GNPAT: variants seen among roughly 807,000 people sequenced by gnomAD.
The protein encoded by GNPAT is glyceronephosphate O-acyltransferase.
A neutral mutation model predicts 78.4 loss-of-function variants in GNPAT; 30 were observed. The observed-to-expected ratio is 0.38, with a 90% CI of 0.29 to 0.52. GNPAT has a LOEUF of 0.52. Ranked by LOEUF, GNPAT falls within the 20% of genes least tolerant of loss-of-function variation. The pLI, the probability that GNPAT is intolerant of heterozygous loss-of-function variation, is 0.84. For synonymous variants in GNPAT, 271 were observed against 281.1 expected, an observed-to-expected ratio of 0.96 and a Z score of 0.36; for missense variants, 714 against 812.2, an observed-to-expected ratio of 0.88 and a Z score of 1.47.
At chr1:231,247,789 G>T (rs1684789350) in intron 1 of GNPAT, among the ~76,000 whole-genome samples, 1 of 152,228 alleles carries the variant, frequency 6.6e-6, no homozygotes, top group Non-Finnish European at 1.5e-5. Flanking sequence ...AACACGTAGT[G>T]TGTTTAGGGA....
At chr1:231,270,244 T>C (rs1188386253) in intron 9 of GNPAT, among the ~76,000 whole-genome samples, 2 of 152,230 alleles carry the variant, frequency 1.3e-5, no homozygotes, top group Non-Finnish European at 2.9e-5. Flanking sequence ...TTTAGTTATC[T>C]TTGATTTGGG....
At chr1:231,255,632 G>A (rs547742647) in intron 2 of GNPAT, among the ~76,000 whole-genome samples, 5 of 151,960 alleles carry the variant, frequency 3.3e-5, no homozygotes, top group Admixed American at 2.0e-4. Flanking sequence ...ACAGGATCCC[G>A]CTATGTTGCC....
intron 2 of GNPAT, among the ~76,000 whole-genome samples, chr1:231,258,830 GGTTTCACC>G (rs1345749002): frequency 6.6e-6 from 1 of 150,848 alleles, no homozygotes; most frequent in Non-Finnish European, 1.5e-5. Flanking sequence ...GTAGAGACGG[GGTTTCACC>G]GTGTTAGCCA....
Position 231,277,765 on chromosome 1 carries a change from TTAAAA to T in GNPAT, c.*228_*232del, listed in dbSNP as rs1685758463. 3.4e-5 allele frequency: 17 copies of T among 506,736 alleles called. No individual in the cohort carries two copies. The South Asian group carries it at 4.1e-4, about 12-fold the overall frequency. The allele number at this position is 506,736 out of a possible 1,614,324, so 31.4% of individuals were successfully genotyped here. On this transcript the variant is annotated 3_prime_UTR_variant, in exon 16 of 16. Coordinates refer to ENST00000366647, the MANE Select transcript of GNPAT (RefSeq NM_014236.4). ...TTGTATCTGACACTATGTGTGTGTT[TTAAAA>T]TAAACTTTTGGAAACATGTTTGGAA... is the stretch of plus-strand genomic sequence containing the variant.
chr1:231,267,599 T>C (rs1685427241), intron 8 of GNPAT, 81 bp from the exon 9 acceptor site: 2 of 862,956 alleles, frequency 2.3e-6, no homozygotes, highest in East Asian at 2.4e-5. Flanking sequence ...AGAAGCCTTC[T>C]AAAACGTCTA....
intron 3 of GNPAT, 105 bp downstream of exon 3, chr1:231,260,788 A>C: frequency 5.1e-6 from 4 of 788,692 alleles, no homozygotes; most frequent in Non-Finnish European, 8.4e-6. Context: ...TAATCAACTC[A>C]AGGACAGCTC....
chr1:231,251,995 G>A (rs1277890480), intron 2 of GNPAT, among the ~76,000 whole-genome samples: 1 of 152,196 alleles, frequency 6.6e-6, no homozygotes, highest in Non-Finnish European at 1.5e-5. Flanking sequence ...GCCTAGAGAG[G>A]TAAGAGGGTC....
chr1:231,264,439 G>A (rs976120651), intron 4 of GNPAT, among the ~76,000 whole-genome samples: 3 of 152,164 alleles, frequency 2.0e-5, no homozygotes, highest in Non-Finnish European at 4.4e-5. Flanking sequence ...TCCTAAAAGT[G>A]GGATTGCTAA....
chr1:231,257,512 C>T (rs985201043), intron 2 of GNPAT, among the ~76,000 whole-genome samples: 1 of 152,108 alleles, frequency 6.6e-6, no homozygotes, highest in Non-Finnish European at 1.5e-5. Context: ...ATCATCTTAC[C>T]TTGACTTCTG....
In GNPAT at chr1:231,241,265, T is replaced by G. The variant is rs1444650338; in HGVS notation, c.-114T>G. Reference sequence around the variant, plus strand: ...GATCCTGTGTAGCGGCTGCAGAGGGTGCCGCCGCCCTAGGCGAAGTAGGGC... The same window carrying G: ...GATCCTGTGTAGCGGCTGCAGAGGGGGCCGCCGCCCTAGGCGAAGTAGGGC... On this transcript the variant is annotated 5_prime_UTR_variant, in exon 1 of 16. Transcript: ENST00000366647. The G allele has an allele frequency of 7.0e-7, 1 of 1,424,818 alleles. No individual in the cohort carries two copies. The highest frequency in any genetic ancestry group is 1.4e-5 in the African/African-American group (1 of 70,872). 88.3% of individuals were successfully genotyped at this position (1,424,818 alleles called of 1,614,324 possible). A position where few individuals can be genotyped will look rare whatever the true frequency, so the allele number is the denominator to read the frequency against.
chr1:231,263,633 T>C lies in GNPAT; in HGVS notation c.568+781T>C, dbSNP rs1685286255. On this transcript the variant is annotated intron_variant, in intron 4 of 15. Transcript: ENST00000366647. ...TGGTATATATGGAATTGCTGGGTCT[T>C]GTGGTAATTTTTTTTCATTTTTTGA... Among the ~76,000 whole-genome samples, 3 of 152,188 alleles carry C rather than the reference T, an allele frequency of 2.0e-5. No homozygotes were observed. In the South Asian group the frequency reaches 6.2e-4, roughly 31 times the overall value.
At position 231,275,271 on chromosome 1, in the gene GNPAT, A is replaced by G; in HGVS notation, c.1794A>G (p.Glu598=). The G allele has an allele frequency of 1.2e-6, 2 of 1,613,258 alleles. No individual in the cohort carries two copies. The highest frequency in any genetic ancestry group is 1.7e-6 in the Non-Finnish European group (2 of 1,179,140). The change falls in exon 13 of 16, where the codon GAA becomes GAG. Residue 598 remains glutamate (E), a synonymous_variant. Coordinates refer to ENST00000366647, the MANE Select transcript of GNPAT (RefSeq NM_014236.4). ...AAGAAGAGGACCACTTCAGTGAGGA[A>G]CAGTACTTGGCTGCAGTCAGAAAAT... ...LSEEEDHFSE[E]QYLAAVRKFT... is the part of the protein sequence containing the mutation.
intron 1 of GNPAT, among the ~76,000 whole-genome samples, chr1:231,246,388 C>T (rs1228077307): frequency 2.0e-5 from 3 of 152,206 alleles, no homozygotes; most frequent in Admixed American, 6.5e-5. Flanking sequence ...AGTGCAGTCC[C>T]TGCCTGCCTT....
At chr1:231,256,106 C>G (rs532797629) in intron 2 of GNPAT, among the ~76,000 whole-genome samples, 1 of 152,246 alleles carries the variant, frequency 6.6e-6, no homozygotes, top group African/African-American at 2.4e-5. Flanking sequence ...ATTTTAAGTA[C>G]TTTCCTTATG....
rs763839022 is a variant in GNPAT at position 231,267,771 on chromosome 1, T to C, written c.1147T>C (p.Leu383=). 11 of 1,613,166 alleles carry C rather than the reference T, an allele frequency of 6.8e-6. No homozygotes were observed. Among genetic ancestry groups the C allele is most frequent in the Non-Finnish European group, 9.3e-6 (11 of 1,179,196 alleles). The change falls in exon 9 of 16, where the codon TTG becomes CTG. Residue 383 remains leucine, a synonymous_variant. Transcript: ENST00000366647. ...GCTTCTGCAAATTGAAAACATGGTT[T>C]TGAGCCCCTGGACCCTAATAGTTGC... ...MELLQIENMV[L]SPWTLIVAVL...
intron 1 of GNPAT, 50 bp downstream of exon 1, chr1:231,241,506 C>A: frequency 7.8e-7 from 1 of 1,281,806 alleles, no homozygotes; most frequent in Non-Finnish European, 1.1e-6. Context: ...CGAAATAGTA[C>A]CCCTTTCTCC....
chr1:231,258,499 G>A (rs1032566507), intron 2 of GNPAT, among the ~76,000 whole-genome samples: 1 of 151,900 alleles, frequency 6.6e-6, no homozygotes, highest in Admixed American at 6.6e-5. Flanking sequence ...TCTATCTTCA[G>A]CCTTTCTCTC....
chr1:231,247,674 C>T (rs529943816), intron 1 of GNPAT, among the ~76,000 whole-genome samples: 8 of 152,292 alleles, frequency 5.3e-5, no homozygotes, highest in Non-Finnish European at 1.0e-4. Flanking sequence ...CTCTTGATCA[C>T]CACTATATCC....
Position 231,277,546 on chromosome 1 carries a change from T to C in GNPAT, c.*4T>C. 6.5e-7 allele frequency: 1 copy of C among 1,548,868 alleles called. No homozygotes were observed. Among genetic ancestry groups the C allele is most frequent in the Non-Finnish European group, 8.9e-7 (1 of 1,120,556 alleles). On this transcript the variant is annotated 3_prime_UTR_variant, in exon 16 of 16. Coordinates refer to ENST00000366647, the MANE Select transcript of GNPAT (RefSeq NM_014236.4). Reference sequence around the variant, plus strand: ...ACCAGCCACTGCAAAACTTTAATAATCAACAAATAGTTATGGAAAATTCGG... The same window carrying C: ...ACCAGCCACTGCAAAACTTTAATAACCAACAAATAGTTATGGAAAATTCGG...
Sources: gnomAD v4.1 joint callset for allele counts (sites outside exome capture counted in the v4.1 genomes callset) on GRCh38, gnomAD v4.1.1 for gene constraint, MANE v1.5 for transcripts, NCBI Gene and HGNC (gene_info 2026-07-23, HGNC 2026-07-21) for gene names.